The following CLEC16A variants were observed in gnomAD, a reference collection of about 807,000 sequenced individuals.
The protein encoded by CLEC16A is C-type lectin domain containing 16A, also known as protein CLEC16A.
Under a neutral mutation model 109.5 loss-of-function variants are expected in CLEC16A, and 51 were observed. That is an observed-to-expected ratio of 0.47 (90% CI 0.37 to 0.59). The LOEUF (loss-of-function observed/expected upper bound fraction) is 0.59, where lower values mean the gene tolerates loss of function less well. Among genes scored for constraint, CLEC16A ranks in the 20% least tolerant of loss-of-function variants. The probability of loss-of-function intolerance (pLI) is 0.00; values close to 1 mark genes in which losing one functional copy is unlikely to be tolerated. For synonymous variants in CLEC16A, 673 were observed against 564.2 expected (o/e 1.19, Z -2.73); for missense variants, 1,339 against 1,394.0 (o/e 0.96, Z 0.63).
At position 11,013,039 on chromosome 16, in the gene CLEC16A, G is replaced by A. The variant is rs149786731; in HGVS notation, c.1304-7154G>A. ...ACGCCCCCACACTCACTCAGACTGC[G>A]CCTGTGTGGACATGCCAGGGAACTT... is the stretch of plus-strand genomic sequence containing the variant. On this transcript the variant is annotated intron_variant, in intron 11 of 23. Transcript: ENST00000409790. 4.6e-3 allele frequency among the ~76,000 whole-genome samples: 695 copies of A among 152,226 alleles called. 5 individuals carry two copies. The highest frequency in any genetic ancestry group is 0.031 in the Middle Eastern group (9 of 294).
intron 19 of CLEC16A, among the ~76,000 whole-genome samples, chr16:11,099,959 C>T (rs1488343367): frequency 6.6e-6 from 1 of 152,086 alleles, no homozygotes; most frequent in African/African-American, 2.4e-5. Flanking sequence ...CCTATCTAGC[C>T]AGAGTTGCAC....
chr16:10,997,775 C>T (rs1369424591), intron 10 of CLEC16A, among the ~76,000 whole-genome samples: 1 of 152,236 alleles, frequency 6.6e-6, no homozygotes, highest in East Asian at 1.9e-4. Flanking sequence ...AGACCTTTCG[C>T]TGTGTATTTT....
intron 3 of CLEC16A, among the ~76,000 whole-genome samples, chr16:10,963,630 G>A (rs569869483): frequency 3.9e-5 from 6 of 152,258 alleles, no homozygotes; most frequent in Admixed American, 2.0e-4. Context: ...GTGTGACTCC[G>A]AACTTCTTAC....
At chr16:11,136,461 T>TTTGTTGTTG (rs151238568) in intron 22 of CLEC16A, among the ~76,000 whole-genome samples, 1 of 151,872 alleles carries the variant, frequency 6.6e-6, no homozygotes, top group Non-Finnish European at 1.5e-5. Context: ...CTCTTGCCAT[T>TTTGTTGTTG]TTGTTGTTGT....
At chr16:11,090,114 C>T (rs778433644) in intron 19 of CLEC16A, among the ~76,000 whole-genome samples, 4 of 152,130 alleles carry the variant, frequency 2.6e-5, no homozygotes, top group Non-Finnish European at 5.9e-5. Context: ...CACTCCATTG[C>T]GTAGAATCAT....
At chr16:11,015,674 G>T (rs1309881454) in intron 11 of CLEC16A, among the ~76,000 whole-genome samples, 1 of 152,234 alleles carries the variant, frequency 6.6e-6, no homozygotes, top group African/African-American at 2.4e-5. Flanking sequence ...GTGCTGAATT[G>T]TCTTCACCCT....
chr16:10,958,554 G>A (rs1045215937), intron 2 of CLEC16A, among the ~76,000 whole-genome samples: 4 of 152,132 alleles, frequency 2.6e-5, no homozygotes, highest in African/African-American at 9.7e-5. Flanking sequence ...CTAGTGCCTG[G>A]TACAGGAATA....
At position 10,979,136 on chromosome 16, in the gene CLEC16A, G is replaced by A. The variant is rs962349354; in HGVS notation, c.904-193G>A. Among the ~76,000 whole-genome samples, 3 of 152,292 alleles carry A rather than the reference G, an allele frequency of 2.0e-5. No individual in the cohort carries two copies. In the South Asian group the frequency reaches 6.2e-4, roughly 32 times the overall value. Reference sequence around the variant, plus strand: ...TCTCAGATGGAAAAATAGTGTCCTTGCAAACAGTATTGAGTGGGATTTTGC... The same window carrying A: ...TCTCAGATGGAAAAATAGTGTCCTTACAAACAGTATTGAGTGGGATTTTGC... On this transcript the variant is annotated intron_variant, in intron 8 of 23. Coordinates refer to ENST00000409790, the MANE Select transcript of CLEC16A (RefSeq NM_015226.3).
At chr16:10,966,953 A>G (rs1490406406) in intron 3 of CLEC16A, among the ~76,000 whole-genome samples, 2 of 152,176 alleles carry the variant, frequency 1.3e-5, no homozygotes, top group African/African-American at 4.8e-5. Context: ...AGGATTTGTG[A>G]TATACATAAC....
intron 10 of CLEC16A, among the ~76,000 whole-genome samples, chr16:10,986,587 G>C (rs2043671548): frequency 6.6e-6 from 1 of 152,022 alleles, no homozygotes; most frequent in Admixed American, 6.6e-5. Context: ...TCTCCTCTCT[G>C]CATGAGTTTG....
intron 17 of CLEC16A, among the ~76,000 whole-genome samples, chr16:11,050,145 C>T (rs1050912010): frequency 5.3e-5 from 8 of 152,186 alleles, no homozygotes; most frequent in East Asian, 1.9e-4. Context: ...TGGTAGAATG[C>T]GAAAGGGCAA....
chr16:11,000,191 C>T (rs911524862), intron 10 of CLEC16A, among the ~76,000 whole-genome samples: 11 of 152,200 alleles, frequency 7.2e-5, no homozygotes, highest in African/African-American at 2.7e-4. Context: ...GCCAGAATTA[C>T]TCTCCATGTT....
At chr16:10,987,556 C>T (rs908260213) in intron 10 of CLEC16A, among the ~76,000 whole-genome samples, 47 of 152,284 alleles carry the variant, frequency 3.1e-4, no homozygotes, top group African/African-American at 1.0e-3. Flanking sequence ...GACTCTGTAG[C>T]GTGGAGGGAA....
intron 19 of CLEC16A, among the ~76,000 whole-genome samples, chr16:11,106,852 G>T (rs1388640527): frequency 6.6e-6 from 1 of 152,130 alleles, no homozygotes; most frequent in Non-Finnish European, 1.5e-5. Context: ...CATGCCCAGG[G>T]TCACCACAGC....
chr16:11,045,219 G>T (rs942319326), intron 16 of CLEC16A, among the ~76,000 whole-genome samples: 6 of 151,174 alleles, frequency 4.0e-5, no homozygotes, highest in African/African-American at 1.2e-4. Flanking sequence ...ATGGTGGCAG[G>T]CGCCTGTAGT....
chr16:11,001,179 T>G (rs6498143), intron 10 of CLEC16A, among the ~76,000 whole-genome samples: 74,365 of 152,000 alleles, frequency 0.49, 19,533 homozygotes, highest in African/African-American at 0.69. Context: ...TCTGCCTCCT[T>G]GGCTCGAGCG....
At chr16:11,098,250 A>G (rs2050718397) in intron 19 of CLEC16A, among the ~76,000 whole-genome samples, 1 of 152,212 alleles carries the variant, frequency 6.6e-6, no homozygotes, top group Non-Finnish European at 1.5e-5. Context: ...GAAGATGGAG[A>G]CACAGAAGTC....
rs909902243 is a variant in CLEC16A at position 10,971,143 on chromosome 16, C to T, written c.511C>T (p.Leu171=). The part of the protein sequence containing the change: ...FYNEHTNDFA[L]YTEAIKFFNH... Reference sequence around the variant, plus strand: ...GTTTTAGCACACCAATGACTTTGCCCTGTACACAGAAGCCATCAAGTTTTT... The same window carrying T: ...GTTTTAGCACACCAATGACTTTGCCTTGTACACAGAAGCCATCAAGTTTTT... The change falls in exon 5 of 24, where the codon CTG becomes TTG. Residue 171 remains leucine (L), a synonymous_variant. Coordinates refer to ENST00000409790, the MANE Select transcript of CLEC16A (RefSeq NM_015226.3). 2 of 1,613,166 alleles carry T rather than the reference C, an allele frequency of 1.2e-6. No individual in the cohort carries two copies. The highest frequency in any genetic ancestry group is 1.7e-6 in the Non-Finnish European group (2 of 1,179,284).
intron 10 of CLEC16A, among the ~76,000 whole-genome samples, chr16:10,991,396 C>A (rs2043997065): frequency 1.4e-5 from 2 of 144,920 alleles, no homozygotes; most frequent in Non-Finnish European, 3.0e-5. Context: ...TACACTCCAG[C>A]CTGGGCGACA....
Sources: allele counts gnomAD v4.1 joint callset (sites outside exome capture counted in the v4.1 genomes callset), GRCh38; gene constraint gnomAD v4.1.1; transcripts MANE v1.5; gene names NCBI Gene and HGNC (gene_info 2026-07-23, HGNC 2026-07-21).